Variants in CMTM7 observed in about 807,000 individuals in gnomAD.
CMTM7 encodes the protein CKLF like MARVEL transmembrane domain containing 7.
A neutral mutation model predicts 19.3 loss-of-function variants in CMTM7; 7 were observed. That is an observed-to-expected ratio of 0.36 (90% CI 0.21 to 0.68). The LOEUF (loss-of-function observed/expected upper bound fraction) is 0.68. Among genes scored for constraint, CMTM7 ranks in the 30% least tolerant of loss-of-function variants. CMTM7 has a pLI of 0.60. For synonymous variants in CMTM7, 87 were observed against 99.3 expected (o/e 0.88, Z 0.74); for missense variants, 193 against 232.6 (o/e 0.83, Z 1.11).
chr3:32,401,918 C>T (rs1696013456), intron 1 of CMTM7, among the ~76,000 whole-genome samples: 1 of 152,184 alleles, frequency 6.6e-6, no homozygotes, highest in Admixed American at 6.5e-5. Flanking sequence ...CGCTCCTGGG[C>T]GGAAATCGCG....
chr3:32,429,601 A>ATTTT (rs1336943258), intron 1 of CMTM7, among the ~76,000 whole-genome samples: 1 of 126,684 alleles, frequency 7.9e-6, no homozygotes, highest in Non-Finnish European at 1.7e-5. Context: ...GGAGCAGTGT[A>ATTTT]TTTTTTTTTT....
chr3:32,416,805 T>C (rs1231544431), intron 1 of CMTM7, among the ~76,000 whole-genome samples: 1 of 151,842 alleles, frequency 6.6e-6, no homozygotes. Context: ...TCTTTTGGTA[T>C]TAAGAAATTC....
intron 1 of CMTM7, among the ~76,000 whole-genome samples, chr3:32,438,816 C>G (rs1206073904): frequency 6.6e-6 from 1 of 152,200 alleles, no homozygotes; most frequent in African/African-American, 2.4e-5. Flanking sequence ...GCACAGGCCC[C>G]TTTTGTTGGC....
At chr3:32,400,399 C>CTTTA (rs1695984159) in intron 1 of CMTM7, among the ~76,000 whole-genome samples, 1 of 116,572 alleles carries the variant, frequency 8.6e-6, no homozygotes, top group South Asian at 2.6e-4. Flanking sequence ...TCTTCTTCTT[C>CTTTA]TTTTTTTTTT....
intron 2 of CMTM7, 72 bp downstream of exon 2, chr3:32,442,085 A>C (rs1575124269): frequency 7.0e-7 from 1 of 1,419,144 alleles, no homozygotes; most frequent in African/African-American, 1.4e-5. Context: ...GAGACCTGAC[A>C]GAGTTTTTCC....
chr3:32,435,005 G>A (rs1696575260), intron 1 of CMTM7, among the ~76,000 whole-genome samples: 1 of 152,140 alleles, frequency 6.6e-6, no homozygotes, highest in Non-Finnish European at 1.5e-5. Flanking sequence ...CCCTGTGGAG[G>A]GAGACAGGTA....
intron 1 of CMTM7, among the ~76,000 whole-genome samples, chr3:32,436,530 A>G (rs1696600652): frequency 6.6e-6 from 1 of 152,142 alleles, no homozygotes; most frequent in East Asian, 1.9e-4. Context: ...CCTGGCTTTC[A>G]TCTCCTGGGG....
chr3:32,406,383 A>C (rs1696091514), intron 1 of CMTM7, among the ~76,000 whole-genome samples: 1 of 152,180 alleles, frequency 6.6e-6, no homozygotes, highest in Admixed American at 6.5e-5. Context: ...GAGGACCTGC[A>C]CCCAATGTTG....
intron 2 of CMTM7, among the ~76,000 whole-genome samples, chr3:32,448,484 T>C (rs941763201): frequency 2.6e-5 from 4 of 152,220 alleles, no homozygotes; most frequent in Non-Finnish European, 5.9e-5. Flanking sequence ...TGAAAATGGA[T>C]GCACCCTGGA....
At chr3:32,410,627 A>C (rs997906256) in intron 1 of CMTM7, among the ~76,000 whole-genome samples, 3 of 151,382 alleles carry the variant, frequency 2.0e-5, no homozygotes, top group African/African-American at 7.2e-5. Flanking sequence ...GAAAAGTCAC[A>C]GAGAGGCTAG....
At chr3:32,402,564 A>T (rs1696026404) in intron 1 of CMTM7, among the ~76,000 whole-genome samples, 1 of 151,688 alleles carries the variant, frequency 6.6e-6, no homozygotes, top group Non-Finnish European at 1.5e-5. Context: ...TGTTTATTTT[A>T]TTTTATTTTA....
intron 1 of CMTM7, among the ~76,000 whole-genome samples, chr3:32,395,002 CTT>C (rs753509403): frequency 1.4e-5 from 2 of 144,776 alleles, no homozygotes; most frequent in Non-Finnish European, 3.1e-5. Context: ...GGCTAAATGA[CTT>C]TTTTTTTTTT....
intron 1 of CMTM7, among the ~76,000 whole-genome samples, chr3:32,429,726 G>A (rs1288284031): frequency 1.3e-5 from 2 of 151,114 alleles, no homozygotes; most frequent in South Asian, 4.2e-4. Flanking sequence ...TCAGCCTCCC[G>A]AGTAGCTGGG....
chr3:32,449,357 C>A lies in CMTM7; in HGVS notation c.334-97C>A. ...GCAAGGGAGAAGAGGAAGCGTCACT[C>A]TCTCCCTTTCTTTTCATGTCTTCTG... On this transcript the variant is annotated intron_variant, in intron 2 of 4. Transcript: ENST00000334983. This position sits in a 1 kb window ranked among gnomAD's most constrained non-coding sequence, Gnocchi z 4.5. 1.2e-6 allele frequency: 1 copy of A among 857,288 alleles called. No individual in the cohort carries two copies. The allele number at this position is 857,288 out of a possible 1,614,324, so 53.1% of individuals were successfully genotyped here.
intron 1 of CMTM7, among the ~76,000 whole-genome samples, chr3:32,397,609 C>T (rs187929621): frequency 1.0e-3 from 153 of 152,134 alleles, no homozygotes; most frequent in Non-Finnish European, 1.8e-3. Context: ...TGGCACACGC[C>T]TGTAGTCCCA....
chr3:32,441,567 G>T (rs1696675675), intron 1 of CMTM7, among the ~76,000 whole-genome samples: 1 of 152,156 alleles, frequency 6.6e-6, no homozygotes, highest in Non-Finnish European at 1.5e-5. Flanking sequence ...CTTCTGAGGG[G>T]GCTTCCCGCT....
chr3:32,391,965 C>T lies in CMTM7; in HGVS notation c.59C>T (p.Pro20Leu), dbSNP rs1021713839. 7 of 1,231,474 alleles carry T rather than the reference C, an allele frequency of 5.7e-6. 1 individual carries two copies. The African/African-American group carries it at 7.8e-5, about 14-fold the overall frequency. The allele number at this position is 1,231,474 out of a possible 1,614,324, so 76.3% of individuals were successfully genotyped here. The change falls in exon 1 of 5, where the codon CCC becomes CTC. Residue 20 changes from proline to leucine, a missense_variant. Physicochemically the swap from Pro to Leu is moderately conservative, Grantham distance 98. Coordinates refer to ENST00000334983, the MANE Select transcript of CMTM7 (RefSeq NM_138410.4). The stretch of plus-strand genomic sequence containing the variant: ...TGCAGCAGCGGCAGCGCGCTCGGAC[C>T]CGGGGCCGGCGCGGCCCAGCCCAGC... ...TTCSSGSALG[P>L]GAGAAQPSAS...
At position 32,402,723 on chromosome 3, in the gene CMTM7, C is replaced by T. The variant is rs1696029059; in HGVS notation, c.159+10658C>T. On this transcript the variant is annotated intron_variant, in intron 1 of 4. Transcript: ENST00000334983. ...CTGGGATTACAGGCTCCCGCTACTG[C>T]GCCCGGCTAACTTTTGTATTTTTAC... Among the ~76,000 whole-genome samples, 6 of 152,206 alleles carry T rather than the reference C, an allele frequency of 3.9e-5. No individual in the cohort carries two copies. In the South Asian group the frequency reaches 1.2e-3, roughly 32 times the overall value.
At chr3:32,436,174 A>G (rs1696594698) in intron 1 of CMTM7, among the ~76,000 whole-genome samples, 1 of 152,198 alleles carries the variant, frequency 6.6e-6, no homozygotes, top group African/African-American at 2.4e-5. Flanking sequence ...ATTTATAGAT[A>G]CAAAACAAAA....
Sources: allele counts gnomAD v4.1 joint callset (sites outside exome capture counted in the v4.1 genomes callset), GRCh38; gene constraint gnomAD v4.1.1; non-coding constraint Gnocchi (gnomAD v3.1); transcripts MANE v1.5; gene names NCBI Gene and HGNC (gene_info 2026-07-23, HGNC 2026-07-21).